Variants in SLC25A13 observed in about 807,000 individuals in gnomAD.
The protein encoded by SLC25A13 is electrogenic aspartate/glutamate antiporter SLC25A13, mitochondrial.
SLC25A13 carries 70 observed loss-of-function variants against 85.5 expected under a neutral mutation model. That is an observed-to-expected ratio of 0.82 (90% CI 0.68 to 1.00). SLC25A13 has a LOEUF of 1.00. SLC25A13 is among the 50% of genes least tolerant of loss of function. SLC25A13 has a pLI of 0.00. For synonymous variants in SLC25A13, 259 were observed against 288.7 expected (o/e 0.90, Z 1.04); for missense variants, 765 against 819.8 (o/e 0.93, Z 0.82).
chr7:96,184,992 GCTGAATCAC>G lies in SLC25A13; in HGVS notation c.944_952del (p.Gly315_Ser317del). On this transcript the variant is annotated inframe_deletion, in exon 10 of 18. Coordinates refer to ENST00000265631, the MANE Select transcript of SLC25A13 (RefSeq NM_014251.3). ...TGCAACTTGTAGAAGAACTGGTCGA[GCTGAATCAC>G]CTGAGGCCTTCTGCTTTGCATGCAC... 1 of 1,614,170 alleles carries G rather than the reference GCTGAATCAC, an allele frequency of 6.2e-7. No individual in the cohort carries two copies.
intron 14 of SLC25A13, among the ~76,000 whole-genome samples, chr7:96,145,887 C>A (rs1792763898): frequency 6.6e-6 from 1 of 152,070 alleles, no homozygotes; most frequent in Non-Finnish European, 1.5e-5. Context: ...TTATTTTTCT[C>A]CCATATCCCT....
chr7:96,227,530 T>C (rs1351068715), intron 4 of SLC25A13, among the ~76,000 whole-genome samples: 1 of 152,186 alleles, frequency 6.6e-6, no homozygotes, highest in Non-Finnish European at 1.5e-5. Flanking sequence ...CAGATATGAC[T>C]TATAAAGCTG....
chr7:96,279,734 T>G (rs1390021398), intron 2 of SLC25A13, among the ~76,000 whole-genome samples: 1 of 152,232 alleles, frequency 6.6e-6, no homozygotes, highest in Non-Finnish European at 1.5e-5. Flanking sequence ...AGAGTTTATC[T>G]GAGTTTTTTT....
chr7:96,259,242 C>G (rs1302735052), intron 3 of SLC25A13, among the ~76,000 whole-genome samples: 1 of 152,146 alleles, frequency 6.6e-6, no homozygotes, highest in African/African-American at 2.4e-5. Context: ...AGCTTCTGCA[C>G]AGCGAAAGAA....
intron 15 of SLC25A13, among the ~76,000 whole-genome samples, chr7:96,128,964 C>G (rs1791880016): frequency 6.7e-6 from 1 of 149,462 alleles, no homozygotes; most frequent in African/African-American, 2.5e-5. Context: ...CTCTCTCTCT[C>G]TCTCTCTCTC....
chr7:96,259,342 C>A (rs1313819415), intron 3 of SLC25A13, among the ~76,000 whole-genome samples: 1 of 152,000 alleles, frequency 6.6e-6, no homozygotes, highest in East Asian at 1.9e-4. Flanking sequence ...CCAGAATCTA[C>A]AAGGAACTTA....
intron 1 of SLC25A13, among the ~76,000 whole-genome samples, chr7:96,315,396 G>T (rs1274593955): frequency 1.3e-5 from 2 of 152,182 alleles, no homozygotes; most frequent in African/African-American, 4.8e-5. Flanking sequence ...GGAGACCCAG[G>T]CATCAGCAGT....
chr7:96,241,041 A>G (rs779039375), intron 3 of SLC25A13, among the ~76,000 whole-genome samples: 1 of 15,064 alleles, frequency 6.6e-5, no homozygotes, highest in East Asian at 1.0e-3. Context: ...AAGAAAGGAA[A>G]GAAAGAAAGA....
chr7:96,232,187 T>C (rs570176480), intron 4 of SLC25A13, among the ~76,000 whole-genome samples: 2 of 152,082 alleles, frequency 1.3e-5, no homozygotes, highest in African/African-American at 4.8e-5. Context: ...TCAACCTAAA[T>C]GCCCATTAAT....
chr7:96,133,040 AATTAGTTG>A (rs1260301284), intron 14 of SLC25A13, among the ~76,000 whole-genome samples: 1 of 152,178 alleles, frequency 6.6e-6, no homozygotes, highest in Non-Finnish European at 1.5e-5. Context: ...ACTATAACTT[AATTAGTTG>A]CCTCACACAA....
intron 4 of SLC25A13, among the ~76,000 whole-genome samples, chr7:96,231,375 T>A (rs1016608474): frequency 6.6e-6 from 1 of 152,166 alleles, no homozygotes; most frequent in Admixed American, 6.5e-5. Context: ...AGGTCTAATA[T>A]CCAGCAACTA....
rs576431665 is a variant in SLC25A13 at position 96,321,893 on chromosome 7, C to G, written c.15+49G>C. 165 of 1,520,482 alleles carry G rather than the reference C, an allele frequency of 1.1e-4. 1 individual carries two copies. Among genetic ancestry groups the G allele is most frequent in the Middle Eastern group, 1.7e-4 (1 of 5,890 alleles). 94.2% of individuals were successfully genotyped at this position (1,520,482 alleles called of 1,614,324 possible). On this transcript the variant is annotated intron_variant, in intron 1 of 17. Transcript: ENST00000265631. ...TGAGCGCCCGAGCCTCTCGCACCCC[C>G]AGGCTGATCCGGCAGGCGCGCTCCC...
rs1375992255 is a variant in SLC25A13 at position 96,208,847 on chromosome 7, CTG to C, written c.457_458del (p.Gln153ValfsTer21). On this transcript the variant is annotated frameshift_variant, in exon 5 of 18. Transcript: ENST00000265631. LOFTEE classifies it high-confidence loss of function. ...KRHLTYAEFT[Q>X]FLLEIQLEHA... ...TAAGAGCTAGACCCACCAATAAAAA[CTG>C]AGTAAATTCCGCATATGTCAGGTGT... 6.2e-7 allele frequency: 1 copy of C among 1,614,034 alleles called. No individual in the cohort carries two copies. The highest frequency in any genetic ancestry group is 8.5e-7 in the Non-Finnish European group (1 of 1,179,990).
chr7:96,184,260 G>A lies in SLC25A13; in HGVS notation c.1177+17C>T. 6.2e-7 allele frequency: 1 copy of A among 1,613,926 alleles called. No individual in the cohort carries two copies. The highest frequency in any genetic ancestry group is 1.1e-5 in the South Asian group (1 of 91,022). The stretch of plus-strand genomic sequence containing the variant: ...AGTGTTATTTCACCTAACAGGTATT[G>A]AGCATGTGGCACTAACCTCTATACA... On this transcript the variant is annotated intron_variant, in intron 11 of 17. Transcript: ENST00000265631.
At chr7:96,156,330 T>G (rs548703013) in intron 13 of SLC25A13, among the ~76,000 whole-genome samples, 61 of 152,322 alleles carry the variant, frequency 4.0e-4, no homozygotes, top group African/African-American at 1.4e-3. Flanking sequence ...AGAGTCTTGT[T>G]CTGTCGCCCA....
intron 5 of SLC25A13, among the ~76,000 whole-genome samples, chr7:96,195,599 AT>A (rs771441049): frequency 1.3e-5 from 2 of 152,088 alleles, no homozygotes; most frequent in Non-Finnish European, 2.9e-5. Flanking sequence ...ATGACCCTTC[AT>A]CATACAGACC....
At chr7:96,136,183 A>C (rs1181278698) in intron 14 of SLC25A13, among the ~76,000 whole-genome samples, 2 of 152,146 alleles carry the variant, frequency 1.3e-5, no homozygotes, top group Non-Finnish European at 2.9e-5. Context: ...TCTCTCCATC[A>C]TCATCCTATT....
chr7:96,218,114 C>T (rs950072834), intron 4 of SLC25A13, among the ~76,000 whole-genome samples: 2 of 151,968 alleles, frequency 1.3e-5, no homozygotes, highest in African/African-American at 4.8e-5. Flanking sequence ...AGTATAAAGT[C>T]TTAATTATAA....
At chr7:96,194,442 CAAAAAA>C (rs546248549) in intron 5 of SLC25A13, among the ~76,000 whole-genome samples, 14 of 27,692 alleles carry the variant, frequency 5.1e-4, no homozygotes, top group Non-Finnish European at 8.7e-4. Context: ...AACCTTGTCT[CAAAAAA>C]AAAAAAAAAA....
Sources: gnomAD v4.1 joint callset for allele counts (sites outside exome capture counted in the v4.1 genomes callset) on GRCh38, gnomAD v4.1.1 for gene constraint, MANE v1.5 for transcripts, NCBI Gene and HGNC (gene_info 2026-07-23, HGNC 2026-07-21) for gene names.